OPCML: variants seen among roughly 807,000 people sequenced by gnomAD.
OPCML encodes the protein opioid binding protein/cell adhesion molecule like, also known as opioid-binding protein/cell adhesion molecule.
OPCML carries 13 observed loss-of-function variants against 37.8 expected under a neutral mutation model. The observed-to-expected ratio is 0.34, with a 90% confidence interval of 0.22 to 0.55. OPCML has a LOEUF of 0.55. Ranked by LOEUF, OPCML falls within the 20% of genes least tolerant of loss-of-function variation. The pLI is 0.91. For missense variants in OPCML, 341 were observed against 435.6 expected, an observed-to-expected ratio of 0.78 and a Z score of 1.93; for synonymous variants, 176 against 168.8, an observed-to-expected ratio of 1.04 and a Z score of -0.33.
rs35219821 is a variant in OPCML, at chr11:132,675,155, A to ATGTGTGTGTG, written c.147-17846_147-17837dup. 3.3e-4 allele frequency among the ~76,000 whole-genome samples: 48 copies of ATGTGTGTGTG among 144,068 alleles called. No homozygotes were observed. In the South Asian group the frequency reaches 0.01, roughly 31 times the overall value. The allele number at this position is 144,068 out of a possible 152,430, so 94.5% of individuals were successfully genotyped here. ...GAAGTATGACAGCCCATATATATGTATGTGTGTGTGTGTGTGTGTGTGTGT... is the reference window on the plus strand; with the variant it reads ...GAAGTATGACAGCCCATATATATGTATGTGTGTGTGTGTGTGTGTGTGTGTGTGTGTGTGT... On this transcript the variant is annotated intron_variant, in intron 2 of 7. Coordinates refer to ENST00000524381, the MANE Select transcript of OPCML (RefSeq NM_001012393.5).
chr11:133,314,044 G>T (rs1431116453), intron 1 of OPCML, among the ~76,000 whole-genome samples: 2 of 151,236 alleles, frequency 1.3e-5, no homozygotes, highest in Non-Finnish European at 3.0e-5. Flanking sequence ...GACCATCCCG[G>T]CTAACACGGT....
At chr11:133,272,382 T>C (rs955940061) in intron 1 of OPCML, among the ~76,000 whole-genome samples, 10 of 152,168 alleles carry the variant, frequency 6.6e-5, no homozygotes, top group Non-Finnish European at 1.3e-4. Context: ...ACAGCATTAT[T>C]GACTAAATAA....
chr11:132,460,782 A>C (rs867054038), intron 4 of OPCML, among the ~76,000 whole-genome samples: 3 of 152,236 alleles, frequency 2.0e-5, no homozygotes, highest in Non-Finnish European at 4.4e-5. Context: ...AGTTTACAAA[A>C]TATCACATAT....
chr11:133,315,562 G>A (rs1294629884), intron 1 of OPCML, among the ~76,000 whole-genome samples: 1 of 152,228 alleles, frequency 6.6e-6, no homozygotes, highest in Non-Finnish European at 1.5e-5. Context: ...ACTTTGGAAG[G>A]CCAAAGCGGG....
intron 7 of OPCML, chr11:132,435,198 C>G (rs2096008986): frequency 7.8e-7 from 1 of 1,288,660 alleles, no homozygotes; most frequent in Admixed American, 2.3e-5. Flanking sequence ...AAGACACACA[C>G]AGCACAATGC....
intron 4 of OPCML, among the ~76,000 whole-genome samples, chr11:132,468,166 A>G (rs1424752237): frequency 6.6e-6 from 1 of 151,872 alleles, no homozygotes; most frequent in Non-Finnish European, 1.5e-5. Flanking sequence ...TAAACTGCTC[A>G]CTCTCCTCTG....
chr11:133,522,157 C>T (rs117574081), intron 1 of OPCML, among the ~76,000 whole-genome samples: 6 of 152,292 alleles, frequency 3.9e-5, no homozygotes, highest in Non-Finnish European at 7.4e-5. Flanking sequence ...GTGATTTGTA[C>T]ACTCTAAGCC....
chr11:133,446,400 G>A (rs550798861), intron 1 of OPCML, among the ~76,000 whole-genome samples: 10 of 151,922 alleles, frequency 6.6e-5, no homozygotes, highest in African/African-American at 1.2e-4. Context: ...CCATAAACCC[G>A]CCCACTATAA....
intron 2 of OPCML, among the ~76,000 whole-genome samples, chr11:132,715,087 C>A (rs1238074225): frequency 3.3e-5 from 5 of 152,176 alleles, no homozygotes; most frequent in Non-Finnish European, 5.9e-5. Flanking sequence ...TCACCCCAGT[C>A]CTCAGCAGGA....
chr11:132,801,517 A>G (rs1938646998), intron 2 of OPCML, among the ~76,000 whole-genome samples: 1 of 152,192 alleles, frequency 6.6e-6, no homozygotes, highest in Non-Finnish European at 1.5e-5. Flanking sequence ...GGTATATTTA[A>G]ATAAAACAAA....
chr11:132,920,029 T>C (rs1944738198), intron 2 of OPCML, among the ~76,000 whole-genome samples: 1 of 152,186 alleles, frequency 6.6e-6, no homozygotes, highest in Non-Finnish European at 1.5e-5. Flanking sequence ...GGTTTGGGCT[T>C]TCTATTAGTG....
chr11:132,791,047 C>T (rs368284068), intron 2 of OPCML, among the ~76,000 whole-genome samples: 43 of 152,250 alleles, frequency 2.8e-4, no homozygotes, highest in Admixed American at 2.2e-3. Flanking sequence ...TTTCAAAGCC[C>T]GTCATTTCGC....
At chr11:132,719,313 T>C (rs1944598246) in intron 2 of OPCML, among the ~76,000 whole-genome samples, 2 of 152,108 alleles carry the variant, frequency 1.3e-5, no homozygotes, top group Non-Finnish European at 2.9e-5. Context: ...TGTTCATATG[T>C]TTGGTTTTGG....
Position 132,584,811 on chromosome 11 carries a change from C to T in OPCML, c.380-55625G>A, listed in dbSNP as rs556014408. On this transcript the variant is annotated intron_variant, in intron 3 of 7. Coordinates refer to ENST00000524381, the MANE Select transcript of OPCML (RefSeq NM_001012393.5). ...TTTGCAAATTGGCAAGCCCTTAGAG[C>T]TGAAATAAGTTCAAAGTGTCTCTGT... Among the ~76,000 whole-genome samples the T allele has an allele frequency of 4.3e-4, 66 of 152,284 alleles. 2 individuals are homozygous for T. In the South Asian group the frequency reaches 0.013, roughly 31 times the overall value.
intron 1 of OPCML, among the ~76,000 whole-genome samples, chr11:133,026,719 T>G (rs1215878265): frequency 6.6e-6 from 1 of 152,212 alleles, no homozygotes; most frequent in African/African-American, 2.4e-5. Context: ...TCTGCAACAG[T>G]TGCCTGCAAT....
chr11:133,037,235 T>C (rs1207196338), intron 1 of OPCML, among the ~76,000 whole-genome samples: 1 of 152,172 alleles, frequency 6.6e-6, no homozygotes, highest in African/African-American at 2.4e-5. Context: ...ATCACCACTG[T>C]GAGGATGAGG....
chr11:133,205,539 A>G lies in OPCML; in HGVS notation c.62-262529T>C, dbSNP rs181081426. On this transcript the variant is annotated intron_variant, in intron 1 of 7. Coordinates refer to ENST00000524381, the MANE Select transcript of OPCML (RefSeq NM_001012393.5). This position sits in a 1 kb window ranked among gnomAD's most constrained non-coding sequence, Gnocchi z 4.8. Reference sequence around the variant, plus strand: ...AGTGCTGTGGGCTGAGCCTCACCCTATGGGGACTGACGCCGTCTCCAGGTA... The same window carrying G: ...AGTGCTGTGGGCTGAGCCTCACCCTGTGGGGACTGACGCCGTCTCCAGGTA... 1.5e-3 allele frequency among the ~76,000 whole-genome samples: 236 copies of G among 152,276 alleles called. No individual in the cohort carries two copies. Among genetic ancestry groups the G allele is most frequent in the African/African-American group, 5.3e-3 (219 of 41,550 alleles).
At chr11:133,328,950 A>G (rs1463703067) in intron 1 of OPCML, among the ~76,000 whole-genome samples, 1 of 152,206 alleles carries the variant, frequency 6.6e-6, no homozygotes, top group Non-Finnish European at 1.5e-5. Context: ...TCTCAGCCCA[A>G]AATCGCCTCA....
intron 1 of OPCML, among the ~76,000 whole-genome samples, chr11:133,169,239 G>A (rs555735246): frequency 1.3e-5 from 2 of 152,204 alleles, no homozygotes; most frequent in Non-Finnish European, 2.9e-5. Flanking sequence ...ATATCGTACA[G>A]CTGGAAAGTG....
Sources: allele counts gnomAD v4.1 joint callset (sites outside exome capture counted in the v4.1 genomes callset), GRCh38; gene constraint gnomAD v4.1.1; non-coding constraint Gnocchi (gnomAD v3.1); transcripts MANE v1.5; gene names NCBI Gene and HGNC (gene_info 2026-07-23, HGNC 2026-07-21).